Variants in PARD3 observed in about 807,000 individuals in gnomAD.
PARD3 encodes the protein par-3 family cell polarity regulator.
In PARD3, 75 loss-of-function variants were observed where a neutral mutation model predicts 155.4. The observed-to-expected ratio is 0.48, with a 90% CI of 0.40 to 0.58. The LOEUF (loss-of-function observed/expected upper bound fraction) is 0.58. PARD3 is among the 20% of genes least tolerant of loss of function. The pLI, the probability that PARD3 is intolerant of heterozygous loss-of-function variation, is 0.00. For synonymous variants in PARD3, 576 were observed against 610.5 expected (o/e 0.94, Z 0.83); for missense variants, 1,642 against 1,721.7 (o/e 0.95, Z 0.82).
chr10:34,150,908 T>C (rs765971910), intron 22 of PARD3, among the ~76,000 whole-genome samples: 1 of 152,262 alleles, frequency 6.6e-6, no homozygotes, highest in Non-Finnish European at 1.5e-5. Context: ...CAATGTGAGA[T>C]GAATACCTGC....
chr10:34,425,046 C>T (rs540191398), intron 5 of PARD3, among the ~76,000 whole-genome samples: 1 of 152,220 alleles, frequency 6.6e-6, no homozygotes, highest in South Asian at 2.1e-4. Flanking sequence ...TTTAATGTCT[C>T]AATCATATGA....
chr10:34,254,965 A>G (rs979319951), intron 22 of PARD3, among the ~76,000 whole-genome samples: 1 of 152,162 alleles, frequency 6.6e-6, no homozygotes, highest in African/African-American at 2.4e-5. Context: ...AGACCAAAGG[A>G]AAGAAGGAAA....
chr10:34,487,423 T>C (rs1238955241), intron 3 of PARD3, among the ~76,000 whole-genome samples: 1 of 152,008 alleles, frequency 6.6e-6, no homozygotes, highest in African/African-American at 2.4e-5. Context: ...AATGAATGAC[T>C]TCCATCTTGA....
intron 5 of PARD3, among the ~76,000 whole-genome samples, chr10:34,421,282 G>C (rs1307138424): frequency 6.6e-6 from 1 of 151,070 alleles, no homozygotes; most frequent in Non-Finnish European, 1.5e-5. Flanking sequence ...ATAAGTTATT[G>C]TACTACTTAT....
At chr10:34,212,696 G>A (rs190131750) in intron 22 of PARD3, among the ~76,000 whole-genome samples, 53 of 152,272 alleles carry the variant, frequency 3.5e-4, no homozygotes, top group Middle Eastern at 3.4e-3. Flanking sequence ...GGCCGCAGAG[G>A]TGGATGGAGT....
At chr10:34,210,740 A>AACC (rs1479878534) in intron 22 of PARD3, among the ~76,000 whole-genome samples, 1 of 152,118 alleles carries the variant, frequency 6.6e-6, no homozygotes, top group African/African-American at 2.4e-5. Flanking sequence ...GGTTCTCAGG[A>AACC]AATAGGGTGT....
chr10:34,544,592 T>C (rs1003234572), intron 2 of PARD3, among the ~76,000 whole-genome samples: 1 of 152,178 alleles, frequency 6.6e-6, no homozygotes, highest in Admixed American at 6.6e-5. Flanking sequence ...CTGGGAACTG[T>C]TAGAAATGTA....
chr10:34,145,187 GTGTATATA>G (rs1323775285), intron 22 of PARD3, among the ~76,000 whole-genome samples: 2 of 84,602 alleles, frequency 2.4e-5, no homozygotes, highest in African/African-American at 1.1e-4. Flanking sequence ...GTGTGTGTGT[GTGTATATA>G]TATATATATA....
intron 1 of PARD3, among the ~76,000 whole-genome samples, chr10:34,785,677 C>T (rs971075437): frequency 8.5e-5 from 13 of 152,078 alleles, no homozygotes; most frequent in Admixed American, 7.9e-4. Context: ...TTCAAAGCTG[C>T]AGTGAGCAGA....
intron 3 of PARD3, among the ~76,000 whole-genome samples, chr10:34,511,617 C>G (rs1397977269): frequency 6.6e-6 from 1 of 151,974 alleles, no homozygotes; most frequent in Non-Finnish European, 1.5e-5. Flanking sequence ...ATGCTAAACT[C>G]TTCTTTTTAT....
intron 11 of PARD3, among the ~76,000 whole-genome samples, chr10:34,374,259 T>C (rs934826516): frequency 6.6e-6 from 1 of 152,206 alleles, no homozygotes; most frequent in Admixed American, 6.5e-5. Flanking sequence ...TATTAATGTA[T>C]GTATGGAAAG....
At position 34,378,054 on chromosome 10, in the gene PARD3, G is replaced by A; in HGVS notation, c.1452C>T (p.Gly484=). 1.3e-6 allele frequency: 2 copies of A among 1,596,476 alleles called. No homozygotes were observed. Among genetic ancestry groups the A allele is most frequent in the South Asian group, 1.1e-5 (1 of 88,726 alleles). The change falls in exon 10 of 25, where the codon GGC becomes GGT. Residue 484 remains glycine (G), a synonymous_variant. Transcript: ENST00000374788. The part of the protein sequence containing the change: ...SITSRDVTIG[G]SAPIYVKNIL... Reference sequence around the variant, plus strand: ...TGTTTTTCACATAGATTGGAGCTGAGCCACCTATTGTTACATCTCTGGAAG... The same window carrying A: ...TGTTTTTCACATAGATTGGAGCTGAACCACCTATTGTTACATCTCTGGAAG...
chr10:34,641,667 C>G (rs2092682721), intron 2 of PARD3, among the ~76,000 whole-genome samples: 1 of 152,178 alleles, frequency 6.6e-6, no homozygotes, highest in African/African-American at 2.4e-5. Flanking sequence ...ACATAGTTCT[C>G]CACATGGCGG....
intron 5 of PARD3, among the ~76,000 whole-genome samples, chr10:34,421,042 G>A (rs1846139716): frequency 6.6e-6 from 1 of 152,116 alleles, no homozygotes; most frequent in South Asian, 2.1e-4. Flanking sequence ...AAGCATGGTG[G>A]TGTGCACCCA....
At chr10:34,352,394 G>T (rs377056180) in intron 14 of PARD3, among the ~76,000 whole-genome samples, 1 of 152,080 alleles carries the variant, frequency 6.6e-6, no homozygotes, top group Non-Finnish European at 1.5e-5. Flanking sequence ...CTCTGATGCC[G>T]AGCCGAGGCT....
At chr10:34,333,146 T>A (rs571752476) in intron 18 of PARD3, among the ~76,000 whole-genome samples, 2 of 152,158 alleles carry the variant, frequency 1.3e-5, no homozygotes, top group Non-Finnish European at 2.9e-5. Flanking sequence ...TATGTGTATG[T>A]GTGTATGTAT....
At chr10:34,633,874 T>C (rs1474338015) in intron 2 of PARD3, among the ~76,000 whole-genome samples, 1 of 152,220 alleles carries the variant, frequency 6.6e-6, no homozygotes, top group Admixed American at 6.5e-5. Context: ...ACAGCTATTC[T>C]AACAAGAGGG....
chr10:34,729,125 C>T (rs1235183350), intron 1 of PARD3, among the ~76,000 whole-genome samples: 1 of 152,184 alleles, frequency 6.6e-6, no homozygotes, highest in South Asian at 2.1e-4. Flanking sequence ...CTATGATGCT[C>T]GCACAATGAA....
chr10:34,401,892 T>C lies in PARD3; in HGVS notation c.740A>G (p.Asn247Ser), dbSNP rs150290813. ...ATGTCCAACAGGTTCAACACGACTG[T>C]TATCCTCTTCTGTCCCATCCTCATC... ...EQDEDGTEEDNSRVEPVGHAD... is the reference protein window; with the variant it reads ...EQDEDGTEEDSSRVEPVGHAD... Residue 247 changes from asparagine to serine, a missense_variant, in exon 6 of 25, where the codon AAC becomes AGC. Transcript: ENST00000374788. The C allele has an allele frequency of 2.5e-6, 4 of 1,613,666 alleles. No individual in the cohort carries two copies. Among genetic ancestry groups the C allele is most frequent in the Admixed American group, 3.3e-5 (2 of 60,004 alleles).
Sources: allele counts gnomAD v4.1 joint callset (sites outside exome capture counted in the v4.1 genomes callset), GRCh38; gene constraint gnomAD v4.1.1; transcripts MANE v1.5; gene names NCBI Gene and HGNC (gene_info 2026-07-23, HGNC 2026-07-21).